The following ARHGAP26 variants were observed in gnomAD, a reference collection of about 807,000 sequenced individuals.
ARHGAP26 encodes the protein rho GTPase-activating protein 26.
In ARHGAP26, 38 loss-of-function variants were observed where a neutral mutation model predicts 104.8. The ratio of observed to expected loss-of-function variants is 0.36; its 90% CI spans 0.28 to 0.48. The LOEUF (loss-of-function observed/expected upper bound fraction) is 0.48, where lower values mean the gene tolerates loss of function less well. Ranked by LOEUF, ARHGAP26 falls within the 20% of genes least tolerant of loss-of-function variation. The pLI is 0.99. For missense variants in ARHGAP26, 704 were observed against 947.9 expected (o/e 0.74, Z 3.38); for synonymous variants, 341 against 340.0 (o/e 1.00, Z -0.03).
intron 4 of ARHGAP26, among the ~76,000 whole-genome samples, chr5:142,880,041 A>G (rs1756724059): frequency 6.6e-6 from 1 of 152,180 alleles, no homozygotes; most frequent in African/African-American, 2.4e-5. Context: ...TATATTACCC[A>G]TTGTGCAGGT....
intron 20 of ARHGAP26, among the ~76,000 whole-genome samples, chr5:143,157,073 G>T (rs937274398): frequency 2.0e-5 from 3 of 152,160 alleles, no homozygotes; most frequent in Admixed American, 2.0e-4. Flanking sequence ...ATGAGCATCG[G>T]CGTGGACAGA....
At chr5:143,056,178 C>A in intron 16 of ARHGAP26, 92 bp downstream of exon 16, 1 of 1,047,714 alleles carries the variant, frequency 9.5e-7, no homozygotes, top group South Asian at 1.3e-5. Context: ...ATTACCTAAC[C>A]CTTCGTATTC....
chr5:143,154,324 T>G (rs1253080171), intron 20 of ARHGAP26, among the ~76,000 whole-genome samples: 1 of 152,170 alleles, frequency 6.6e-6, no homozygotes, highest in Non-Finnish European at 1.5e-5. Context: ...AGGAGGCAAG[T>G]GACTTTAGCT....
At chr5:143,057,807 T>G in intron 17 of ARHGAP26, 60 bp downstream of exon 17, 2 of 1,390,296 alleles carry the variant, frequency 1.4e-6, no homozygotes, top group Non-Finnish European at 2.0e-6. Flanking sequence ...ATCTTAGCAG[T>G]GAAGCTGGTC....
intron 6 of ARHGAP26, among the ~76,000 whole-genome samples, chr5:142,899,505 A>G (rs1759969287): frequency 1.3e-5 from 2 of 152,192 alleles, no homozygotes; most frequent in Admixed American, 1.3e-4. Context: ...TCAGGCTGTG[A>G]TGTTGTGGTT....
At chr5:142,841,641 C>A (rs912815550) in intron 1 of ARHGAP26, among the ~76,000 whole-genome samples, 6 of 152,200 alleles carry the variant, frequency 3.9e-5, no homozygotes, top group Non-Finnish European at 8.8e-5. Context: ...AAAGCTTGTC[C>A]CATGAGTGCA....
chr5:143,182,508 A>G (rs1804530520), intron 20 of ARHGAP26, among the ~76,000 whole-genome samples: 1 of 152,194 alleles, frequency 6.6e-6, no homozygotes, highest in Non-Finnish European at 1.5e-5. Context: ...GATGCTTCCT[A>G]AATATTTGTT....
At chr5:142,798,480 C>T (rs1761429375) in intron 1 of ARHGAP26, among the ~76,000 whole-genome samples, 1 of 152,210 alleles carries the variant, frequency 6.6e-6, no homozygotes, top group Non-Finnish European at 1.5e-5. Context: ...CTGGGACCAG[C>T]ATCAGAGAAA....
intron 21 of ARHGAP26, among the ~76,000 whole-genome samples, chr5:143,211,758 G>A (rs1809502436): frequency 6.6e-6 from 1 of 151,344 alleles, no homozygotes; most frequent in African/African-American, 2.4e-5. Context: ...TTGTAGAGAT[G>A]GAGGTCTCTA....
rs147202501 is a variant in ARHGAP26, at chr5:142,794,981, A to G, written c.154+24066A>G. Among the ~76,000 whole-genome samples the G allele has an allele frequency of 5.3e-5, 8 of 152,296 alleles. No homozygotes were observed. In the East Asian group the frequency reaches 1.5e-3, roughly 29 times the overall value. On this transcript the variant is annotated intron_variant, in intron 1 of 22. Coordinates refer to ENST00000645722, the MANE Select transcript of ARHGAP26 (RefSeq NM_001135608.3). ...ACAAAGGTGGGCAAGCTTTTTCTGT[A>G]AAGGGCCAGTTAGTAAATTTTTTAG...
At chr5:143,016,972 G>A (rs538414607) in intron 12 of ARHGAP26, among the ~76,000 whole-genome samples, 16 of 152,190 alleles carry the variant, frequency 1.1e-4, no homozygotes, top group South Asian at 4.2e-4. Flanking sequence ...CACAGGTGGC[G>A]CTAATGCTCT....
chr5:142,787,598 C>T (rs766909776), intron 1 of ARHGAP26, among the ~76,000 whole-genome samples: 31 of 152,146 alleles, frequency 2.0e-4, no homozygotes, highest in Non-Finnish European at 2.4e-4. Context: ...CCAGCAACAC[C>T]AAAGGAGCAG....
At chr5:143,161,578 A>G (rs1323102439) in intron 20 of ARHGAP26, among the ~76,000 whole-genome samples, 1 of 152,142 alleles carries the variant, frequency 6.6e-6, no homozygotes, top group Non-Finnish European at 1.5e-5. Flanking sequence ...CTTTATGGAG[A>G]TATACTAGAG....
chr5:142,807,416 C>T (rs1172205340), intron 1 of ARHGAP26, among the ~76,000 whole-genome samples: 2 of 152,198 alleles, frequency 1.3e-5, no homozygotes, highest in Non-Finnish European at 2.9e-5. Flanking sequence ...AGTTTCTACA[C>T]CAGATTGTAT....
At chr5:142,778,907 G>C (rs1756901759) in intron 1 of ARHGAP26, among the ~76,000 whole-genome samples, 1 of 151,138 alleles carries the variant, frequency 6.6e-6, no homozygotes, top group Non-Finnish European at 1.5e-5. Context: ...CCTTCTGTTA[G>C]ACACTGACAC....
intron 1 of ARHGAP26, among the ~76,000 whole-genome samples, chr5:142,783,832 TG>T (rs1219657792): frequency 6.6e-6 from 1 of 152,224 alleles, no homozygotes; most frequent in Non-Finnish European, 1.5e-5. Context: ...AGAAAATCTG[TG>T]GGTTGCTCTT....
At chr5:142,928,825 T>C (rs1490638620) in intron 10 of ARHGAP26, among the ~76,000 whole-genome samples, 1 of 152,238 alleles carries the variant, frequency 6.6e-6, no homozygotes, top group Non-Finnish European at 1.5e-5. Context: ...TGTTCTTTTA[T>C]TGTAGAGGGT....
intron 20 of ARHGAP26, chr5:143,193,875 TAGTATATACATAGTTTGGTACTATCC>T (rs1806359276): frequency 6.6e-6 from 1 of 152,208 alleles, no homozygotes; most frequent in African/African-American, 2.4e-5. Context: ...ATAAAAAACA[TAGTATATACATAGTTTGGTACTATCC>T]ACGGTTTCAG....
At chr5:142,848,058 C>T (rs138534031) in intron 1 of ARHGAP26, among the ~76,000 whole-genome samples, 16 of 152,258 alleles carry the variant, frequency 1.1e-4, no homozygotes, top group Non-Finnish European at 2.2e-4. Context: ...AATTGAATGG[C>T]AGTGTCTGAA....
Sources: allele counts gnomAD v4.1 joint callset (sites outside exome capture counted in the v4.1 genomes callset), GRCh38; gene constraint gnomAD v4.1.1; transcripts MANE v1.5; gene names NCBI Gene and HGNC (gene_info 2026-07-23, HGNC 2026-07-21).